Variants in ANAPC1 observed in about 807,000 individuals in gnomAD.
ANAPC1 encodes anaphase promoting complex subunit 1, also known as anaphase-promoting complex subunit 1.
Under a neutral mutation model 208.0 loss-of-function variants are expected in ANAPC1, and 36 were observed. The observed-to-expected ratio is 0.17, with a 90% CI of 0.13 to 0.23. The LOEUF (loss-of-function observed/expected upper bound fraction) is 0.23. ANAPC1 is among the 10% of genes least tolerant of loss of function. The pLI is 1.00. For synonymous variants in ANAPC1, 378 were observed against 695.2 expected (o/e 0.54, Z 7.18); for missense variants, 942 against 2,011.6 (o/e 0.47, Z 10.17).
intron 7 of ANAPC1, 168 bp downstream of exon 7, chr2:111,867,853 CTG>C (rs1682521916): frequency 4.4e-6 from 2 of 456,414 alleles, no homozygotes; most frequent in Non-Finnish European, 7.9e-6. Context: ...ACTAAAATAA[CTG>C]TTGAGCAGTT....
intron 21 of ANAPC1, among the ~76,000 whole-genome samples, chr2:111,826,944 C>T (rs1679870477): frequency 6.6e-6 from 1 of 152,198 alleles, no homozygotes; most frequent in Non-Finnish European, 1.5e-5. Flanking sequence ...TGCCACCGCA[C>T]CTGGCCCCAA....
At chr2:111,841,773 A>G (rs1680779154) in intron 17 of ANAPC1, among the ~76,000 whole-genome samples, 1 of 150,664 alleles carries the variant, frequency 6.6e-6, no homozygotes, top group African/African-American at 2.5e-5. Flanking sequence ...GACTGAGAAG[A>G]GACTGGAACA....
At chr2:111,847,026 C>T (rs1275014148) in intron 16 of ANAPC1, 112 bp downstream of exon 16, 1 of 838,872 alleles carries the variant, frequency 1.2e-6, no homozygotes, top group East Asian at 2.6e-5. Flanking sequence ...CTCTACAAAG[C>T]TAAGAACTTG....
chr2:111,841,907 G>C (rs897513058), intron 17 of ANAPC1, among the ~76,000 whole-genome samples: 5 of 152,146 alleles, frequency 3.3e-5, no homozygotes, highest in Non-Finnish European at 5.9e-5. Context: ...AGCTGGCAAA[G>C]GTTCACCACA....
intron 33 of ANAPC1, 125 bp downstream of exon 33, chr2:111,802,303 T>A: frequency 1.4e-6 from 1 of 698,880 alleles, no homozygotes; most frequent in Non-Finnish European, 2.6e-6. Flanking sequence ...ACTCAAGCAA[T>A]CCTCCTGCCT....
At chr2:111,770,751 G>T (rs1430888555) in intron 47 of ANAPC1, among the ~76,000 whole-genome samples, 2 of 139,860 alleles carry the variant, frequency 1.4e-5, no homozygotes, top group African/African-American at 2.8e-5. Flanking sequence ...TTCAGTTCTA[G>T]AATTTCCATT....
chr2:111,840,722 A>G (rs1453030948), intron 17 of ANAPC1, among the ~76,000 whole-genome samples: 1 of 152,206 alleles, frequency 6.6e-6, no homozygotes, highest in African/African-American at 2.4e-5. Flanking sequence ...AATTGGGGAT[A>G]ATGTCACTCG....
Position 111,873,064 on chromosome 2 carries a change from G to A in ANAPC1, c.528+244C>T, listed in dbSNP as rs1343828407. 7.4e-5 allele frequency: 34 copies of A among 462,340 alleles called. No homozygotes were observed. In the Admixed American group the frequency reaches 1.1e-3, roughly 14 times the overall value. The allele number at this position is 462,340 out of a possible 1,614,324, so 28.6% of individuals were successfully genotyped here. ...ATTTAATATAACCAAAAGTTCTTAG[G>A]TATCATTTAAACCAACAAACACATA... On this transcript the variant is annotated intron_variant, in intron 5 of 47. Transcript: ENST00000341068.
chr2:111,846,534 C>CATATATATATATATAT (rs1158119946), intron 16 of ANAPC1, among the ~76,000 whole-genome samples: 2 of 68,348 alleles, frequency 2.9e-5, no homozygotes, highest in African/African-American at 7.1e-5. Context: ...TATACATATA[C>CATATATATATATATAT]ATATATATAT....
intron 18 of ANAPC1, among the ~76,000 whole-genome samples, chr2:111,835,659 G>C (rs1007673426): frequency 6.6e-6 from 1 of 151,354 alleles, no homozygotes; most frequent in Admixed American, 6.6e-5. Flanking sequence ...TAACACGGTG[G>C]AACCCCATCA....
chr2:111,820,222 C>A (rs1035612337), intron 26 of ANAPC1, among the ~76,000 whole-genome samples: 11 of 152,040 alleles, frequency 7.2e-5, no homozygotes, highest in Non-Finnish European at 1.6e-4. Flanking sequence ...TGGCTGACTG[C>A]ACTGAGCTTT....
intron 21 of ANAPC1, among the ~76,000 whole-genome samples, chr2:111,830,803 T>C (rs1321817928): frequency 6.6e-6 from 1 of 152,130 alleles, no homozygotes; most frequent in Non-Finnish European, 1.5e-5. Flanking sequence ...AAATGTAAAA[T>C]GGAAGAGCCA....
chr2:111,828,488 T>C (rs917162897), intron 21 of ANAPC1, among the ~76,000 whole-genome samples: 4 of 152,218 alleles, frequency 2.6e-5, no homozygotes, highest in African/African-American at 9.6e-5. Context: ...GATATTTGCA[T>C]ACCCATGGTT....
intron 47 of ANAPC1, among the ~76,000 whole-genome samples, chr2:111,769,765 T>C (rs1676626054): frequency 7.4e-6 from 1 of 134,548 alleles, no homozygotes; most frequent in Non-Finnish European, 1.6e-5. Flanking sequence ...CACTGCAAAC[T>C]CCACCTCCTG....
At chr2:111,823,386 GGTA>G (rs1200108590) in intron 24 of ANAPC1, among the ~76,000 whole-genome samples, 2 of 151,708 alleles carry the variant, frequency 1.3e-5, no homozygotes, top group Non-Finnish European at 2.9e-5. Context: ...GAAAACAGTT[GGTA>G]TGTATAGGTC....
At chr2:111,801,184 C>T (rs1191178732) in intron 33 of ANAPC1, among the ~76,000 whole-genome samples, 1 of 151,764 alleles carries the variant, frequency 6.6e-6, no homozygotes, top group East Asian at 1.9e-4. Flanking sequence ...TGGTGAAACC[C>T]CATCTCTACT....
At chr2:111,822,088 TA>T (rs1378700073) in intron 25 of ANAPC1, among the ~76,000 whole-genome samples, 4 of 151,438 alleles carry the variant, frequency 2.6e-5, no homozygotes, top group African/African-American at 9.7e-5. Flanking sequence ...TCCCTTTTCC[TA>T]TGTAATAATT....
intron 16 of ANAPC1, among the ~76,000 whole-genome samples, chr2:111,846,670 A>C (rs1473743114): frequency 6.9e-6 from 1 of 145,878 alleles, no homozygotes; most frequent in Non-Finnish European, 1.5e-5. Flanking sequence ...TCTGGGTTCA[A>C]GCGATTCTCC....
chr2:111,769,537 G>C (rs1202267562), intron 47 of ANAPC1, 131 bp from the exon 48 acceptor site: 9 of 608,778 alleles, frequency 1.5e-5, no homozygotes, highest in South Asian at 1.4e-4. Context: ...ACTATGCAAA[G>C]ACAATATTTA....
Sources: gnomAD v4.1 joint callset for allele counts (sites outside exome capture counted in the v4.1 genomes callset) on GRCh38, gnomAD v4.1.1 for gene constraint, MANE v1.5 for transcripts, NCBI Gene and HGNC (gene_info 2026-07-23, HGNC 2026-07-21) for gene names.